Variants in CSMD1 observed in about 807,000 individuals in gnomAD.
The protein encoded by CSMD1 is CUB and Sushi multiple domains 1, also known as CUB and sushi domain-containing protein 1.
CSMD1 carries 213 observed loss-of-function variants against 417.5 expected under a neutral mutation model. The ratio of observed to expected loss-of-function variants is 0.51; its 90% CI spans 0.46 to 0.57. The LOEUF (loss-of-function observed/expected upper bound fraction) is 0.57, where lower values mean the gene tolerates loss of function less well. CSMD1 is among the 20% of genes least tolerant of loss of function. The pLI, the probability that CSMD1 is intolerant of heterozygous loss-of-function variation, is 0.00. For missense variants in CSMD1, 6,923 were observed against 4,529.7 expected, an observed-to-expected ratio of 1.53 and a Z score of -15.17; for synonymous variants, 2,862 against 1,736.8, an observed-to-expected ratio of 1.65 and a Z score of -16.11.
At chr8:4,316,219 G>A (rs1798921594) in intron 3 of CSMD1, among the ~76,000 whole-genome samples, 1 of 152,146 alleles carries the variant, frequency 6.6e-6, no homozygotes, top group Non-Finnish European at 1.5e-5. Context: ...AAAATTTTAT[G>A]ATTTTCTAAT....
intron 3 of CSMD1, among the ~76,000 whole-genome samples, chr8:4,419,240 C>G (rs536699713): frequency 6.6e-6 from 1 of 152,114 alleles, no homozygotes; most frequent in Non-Finnish European, 1.5e-5. Flanking sequence ...TCTTGTATTA[C>G]GTGTAAAAGG....
At chr8:4,758,188 C>A (rs912877364) in intron 1 of CSMD1, among the ~76,000 whole-genome samples, 5 of 152,086 alleles carry the variant, frequency 3.3e-5, no homozygotes, top group African/African-American at 1.2e-4. Context: ...CTTCTGATAA[C>A]AAGAGTTACC....
chr8:4,561,758 A>G (rs1798348783), intron 2 of CSMD1, among the ~76,000 whole-genome samples: 6 of 152,206 alleles, frequency 3.9e-5, no homozygotes, highest in Admixed American at 3.9e-4. Context: ...ATTATTTTGC[A>G]GACACTTTAC....
At chr8:4,568,407 A>G (rs1208666405) in intron 2 of CSMD1, among the ~76,000 whole-genome samples, 1 of 152,146 alleles carries the variant, frequency 6.6e-6, no homozygotes, top group East Asian at 1.9e-4. Context: ...TTTACTGAGA[A>G]TGGTTTCCAG....
intron 3 of CSMD1, among the ~76,000 whole-genome samples, chr8:4,341,459 G>A (rs1264964975): frequency 6.6e-6 from 1 of 152,078 alleles, no homozygotes; most frequent in East Asian, 1.9e-4. Flanking sequence ...TGGTTAAGAA[G>A]CAGTATTCTC....
chr8:4,621,542 A>G (rs1208677105), intron 2 of CSMD1, among the ~76,000 whole-genome samples: 1 of 152,136 alleles, frequency 6.6e-6, no homozygotes, highest in African/African-American at 2.4e-5. Context: ...TCTAGAATAT[A>G]CATTGAATTT....
Position 4,200,281 on chromosome 8 carries a change from G to A in CSMD1, c.416-168182C>T, listed in dbSNP as rs551774047. On this transcript the variant is annotated intron_variant, in intron 3 of 69. Coordinates refer to ENST00000635120, the MANE Select transcript of CSMD1 (RefSeq NM_033225.6). ...TGATGATAATTACCTTTTTTCAGAG[G>A]ATAATTTTTTTGTTAATTATGCTTA... Among the ~76,000 whole-genome samples, 85 of 152,132 alleles carry A rather than the reference G, an allele frequency of 5.6e-4. 1 individual carries two copies. The South Asian group carries it at 0.013, about 23-fold the overall frequency.
At chr8:4,154,896 G>T (rs1460384371) in intron 3 of CSMD1, among the ~76,000 whole-genome samples, 2 of 152,180 alleles carry the variant, frequency 1.3e-5, no homozygotes, top group African/African-American at 4.8e-5. Flanking sequence ...AATATTTGTT[G>T]AAGTGATACA....
chr8:3,815,400 T>C lies in CSMD1; in HGVS notation c.819-61358A>G, dbSNP rs61451314. On this transcript the variant is annotated intron_variant, in intron 5 of 69. Transcript: ENST00000635120. ...CTTACAGATGAAATTAAATCTGGAATGAATTGAGATTAATTATATTGATAG... is the reference window on the plus strand; with the variant it reads ...CTTACAGATGAAATTAAATCTGGAACGAATTGAGATTAATTATATTGATAG... Among the ~76,000 whole-genome samples, 20 of 152,300 alleles carry C rather than the reference T, an allele frequency of 1.3e-4. No homozygotes were observed. In the East Asian group the frequency reaches 3.5e-3, roughly 26 times the overall value.
chr8:3,013,580 G>C (rs551520879), intron 52 of CSMD1, among the ~76,000 whole-genome samples: 3 of 151,894 alleles, frequency 2.0e-5, no homozygotes, highest in Non-Finnish European at 4.4e-5. Flanking sequence ...GTAAAACCCC[G>C]TCTCCACTAA....
chr8:3,505,166 G>C (rs1031755949), intron 10 of CSMD1, among the ~76,000 whole-genome samples: 7 of 152,066 alleles, frequency 4.6e-5, no homozygotes, highest in Non-Finnish European at 1.0e-4. Flanking sequence ...TATGAAAGAG[G>C]GTAGAGTAAG....
At chr8:4,191,032 C>G (rs903923054) in intron 3 of CSMD1, among the ~76,000 whole-genome samples, 1 of 152,054 alleles carries the variant, frequency 6.6e-6, no homozygotes, top group African/African-American at 2.4e-5. Context: ...ATCTGTGCAA[C>G]AAACCCCCAT....
At chr8:4,735,197 A>G (rs557151389) in intron 1 of CSMD1, among the ~76,000 whole-genome samples, 12 of 152,292 alleles carry the variant, frequency 7.9e-5, no homozygotes, top group African/African-American at 2.4e-4. Context: ...CTTCTCTTTC[A>G]GAACCTTTAT....
At chr8:4,988,357 C>A (rs1369729231) in intron 1 of CSMD1, among the ~76,000 whole-genome samples, 2 of 152,174 alleles carry the variant, frequency 1.3e-5, no homozygotes, top group African/African-American at 4.8e-5. Context: ...CCTTTTATAA[C>A]TTTTACCAAG....
intron 5 of CSMD1, among the ~76,000 whole-genome samples, chr8:3,840,559 G>A (rs547411507): frequency 1.3e-5 from 2 of 152,208 alleles, no homozygotes; most frequent in South Asian, 4.1e-4. Flanking sequence ...CAAAATGCAA[G>A]CATGCCTCCT....
At chr8:3,246,429 C>A (rs978269978) in intron 26 of CSMD1, among the ~76,000 whole-genome samples, 1 of 152,108 alleles carries the variant, frequency 6.6e-6, no homozygotes, top group Non-Finnish European at 1.5e-5. Context: ...ATATTAAACT[C>A]TTCTATTCTC....
At chr8:4,168,240 A>G (rs111304256) in intron 3 of CSMD1, among the ~76,000 whole-genome samples, 1 of 151,526 alleles carries the variant, frequency 6.6e-6, no homozygotes, top group Admixed American at 6.6e-5. Flanking sequence ...AACACACACA[A>G]AAAAATTAGT....
At chr8:3,524,991 TAATG>T (rs760440961) in intron 10 of CSMD1, among the ~76,000 whole-genome samples, 6 of 152,172 alleles carry the variant, frequency 3.9e-5, no homozygotes, top group Non-Finnish European at 8.8e-5. Context: ...GGAAAAATGA[TAATG>T]TATGTATCAT....
intron 3 of CSMD1, among the ~76,000 whole-genome samples, chr8:4,253,955 T>TC (rs1803264940): frequency 8.0e-6 from 1 of 125,608 alleles, no homozygotes; most frequent in African/African-American, 2.9e-5. Flanking sequence ...CTTGCTCTAG[T>TC]GCCCAGGCTG....
Sources: allele counts gnomAD v4.1 joint callset (sites outside exome capture counted in the v4.1 genomes callset), GRCh38; gene constraint gnomAD v4.1.1; transcripts MANE v1.5; gene names NCBI Gene and HGNC (gene_info 2026-07-23, HGNC 2026-07-21).